The following SLC16A7 variants were observed in gnomAD, a reference collection of about 807,000 sequenced individuals.
SLC16A7 encodes the protein solute carrier family 16 member 7, also known as monocarboxylate transporter 2.
A neutral mutation model predicts 34.9 loss-of-function variants in SLC16A7; 33 were observed. The ratio of observed to expected loss-of-function variants is 0.94; its 90% CI spans 0.72 to 1.26. The LOEUF (loss-of-function observed/expected upper bound fraction) is 1.26, where lower values mean the gene tolerates loss of function less well. Among genes scored for constraint, SLC16A7 ranks in the 50% most tolerant of loss-of-function variants. The pLI, the probability that SLC16A7 is intolerant of heterozygous loss-of-function variation, is 0.00. For synonymous variants in SLC16A7, 201 were observed against 206.6 expected, an observed-to-expected ratio of 0.97 and a Z score of 0.23; for missense variants, 573 against 578.1, an observed-to-expected ratio of 0.99 and a Z score of 0.09.
intron 1 of SLC16A7, among the ~76,000 whole-genome samples, chr12:59,638,903 A>G (rs2137003453): frequency 6.6e-6 from 1 of 152,292 alleles, no homozygotes; most frequent in South Asian, 2.1e-4. Flanking sequence ...ATAGCTTACA[A>G]TCCTATTCAG....
chr12:59,652,218 A>T (rs1341006676), intron 1 of SLC16A7, among the ~76,000 whole-genome samples: 1 of 152,054 alleles, frequency 6.6e-6, no homozygotes, highest in Non-Finnish European at 1.5e-5. Flanking sequence ...ATGTCAGCTG[A>T]CATAATTTTT....
At chr12:59,759,634 TTA>T (rs1206435449) in intron 3 of SLC16A7, among the ~76,000 whole-genome samples, 4 of 152,020 alleles carry the variant, frequency 2.6e-5, no homozygotes, top group Non-Finnish European at 5.9e-5. Context: ...TTCTTGTGAT[TTA>T]TGTTATTAAG....
chr12:59,732,134 T>G lies in SLC16A7; in HGVS notation c.217+27116T>G, dbSNP rs555118011. Among the ~76,000 whole-genome samples the G allele has an allele frequency of 1.4e-4, 21 of 152,140 alleles. 1 individual carries two copies. The highest frequency in any genetic ancestry group is 5.1e-4 in the African/African-American group (21 of 41,516). ...ATAGTATACTTAAAAATGCTAATTT[T>G]TGGCTGGGCACAGTGGCGCATGCCT... is the stretch of plus-strand genomic sequence containing the variant. On this transcript the variant is annotated intron_variant, in intron 3 of 5. Coordinates refer to ENST00000547379, the MANE Select transcript of SLC16A7 (RefSeq NM_001270623.2).
At chr12:59,646,068 T>G (rs1030062624) in intron 1 of SLC16A7, among the ~76,000 whole-genome samples, 1 of 152,066 alleles carries the variant, frequency 6.6e-6, no homozygotes, top group African/African-American at 2.4e-5. Context: ...TTTGGAAAAT[T>G]TTCAGCCTAA....
chr12:59,621,700 TAA>T (rs1186218198), intron 1 of SLC16A7, among the ~76,000 whole-genome samples: 5 of 151,860 alleles, frequency 3.3e-5, no homozygotes, highest in African/African-American at 1.2e-4. Flanking sequence ...TATTAAAATA[TAA>T]AGTCTTTATA....
intron 2 of SLC16A7, among the ~76,000 whole-genome samples, chr12:59,661,552 C>T (rs1017785508): frequency 6.6e-6 from 1 of 152,046 alleles, no homozygotes; most frequent in Non-Finnish European, 1.5e-5. Flanking sequence ...CATGTTTCCT[C>T]TATTGGCTAA....
intron 3 of SLC16A7, among the ~76,000 whole-genome samples, chr12:59,750,131 G>T (rs1257464696): frequency 6.6e-6 from 1 of 152,068 alleles, no homozygotes; most frequent in African/African-American, 2.4e-5. Flanking sequence ...AACCTGGACA[G>T]TACCATTCAA....
At chr12:59,714,603 C>T (rs377195999) in intron 3 of SLC16A7, among the ~76,000 whole-genome samples, 9 of 151,824 alleles carry the variant, frequency 5.9e-5, no homozygotes, top group South Asian at 4.2e-4. Flanking sequence ...CTTGCTCTGC[C>T]GCCCAGGCTG....
intron 1 of SLC16A7, among the ~76,000 whole-genome samples, chr12:59,632,981 G>A (rs1880250413): frequency 6.6e-6 from 1 of 151,898 alleles, no homozygotes; most frequent in African/African-American, 2.4e-5. Context: ...ACCAAAAGGT[G>A]AGGTATCTAT....
At position 59,780,097 on chromosome 12, in the gene SLC16A7, A is replaced by C. The variant is rs11173142; in HGVS notation, c.*418A>C. ...TTTTTATTTGATATTAAAGTATGAG[A>C]TAGAGTTGAGAGACAATTAATTATC... On this transcript the variant is annotated 3_prime_UTR_variant, in exon 6 of 6. Transcript: ENST00000547379. The C allele has an allele frequency of 0.035, 5,600 of 160,164 alleles. 310 individuals are homozygous for C. Among genetic ancestry groups the C allele is most frequent in the African/African-American group, 0.13 (5,264 of 41,482 alleles). 9.9% of individuals were successfully genotyped at this position (160,164 alleles called of 1,614,324 possible).
chr12:59,638,994 A>G (rs765387801), intron 1 of SLC16A7, among the ~76,000 whole-genome samples: 2 of 152,154 alleles, frequency 1.3e-5, no homozygotes, highest in Non-Finnish European at 2.9e-5. Context: ...GATGGGCTTT[A>G]GACTTGAATA....
At chr12:59,747,836 A>G (rs895148279) in intron 3 of SLC16A7, among the ~76,000 whole-genome samples, 2 of 152,226 alleles carry the variant, frequency 1.3e-5, no homozygotes, top group African/African-American at 4.8e-5. Flanking sequence ...TTTCCCATAT[A>G]TTACTTCACT....
chr12:59,689,992 T>C (rs886978898), intron 2 of SLC16A7, among the ~76,000 whole-genome samples: 2 of 151,692 alleles, frequency 1.3e-5, no homozygotes, highest in African/African-American at 2.4e-5. Flanking sequence ...TAAACCAGAG[T>C]AGCTGGTTTG....
At chr12:59,775,925 A>G (rs1007698973) in intron 5 of SLC16A7, among the ~76,000 whole-genome samples, 3 of 152,166 alleles carry the variant, frequency 2.0e-5, no homozygotes, top group Middle Eastern at 3.2e-3. Context: ...GAAATTTGTT[A>G]CATGCTGAGA....
chr12:59,672,232 ATATATACGTATATATATGTGTATATATG>A (rs1869927218), intron 2 of SLC16A7, among the ~76,000 whole-genome samples: 1 of 145,358 alleles, frequency 6.9e-6, no homozygotes. Flanking sequence ...GTATATATGC[ATATATACGTATATATATGTGTATATATG>A]CATATATACG....
rs191853521 is a variant in SLC16A7, at chr12:59,733,250, G to A, written c.217+28232G>A. On this transcript the variant is annotated intron_variant, in intron 3 of 5. Coordinates refer to ENST00000547379, the MANE Select transcript of SLC16A7 (RefSeq NM_001270623.2). ...CTACTTGGCCCAGTAGGTTGTGCTC[G>A]GCTTGTGGGATCTGCCCAGATCCCA... Among the ~76,000 whole-genome samples, 151 of 152,248 alleles carry A rather than the reference G, an allele frequency of 9.9e-4. 2 individuals are homozygous for A. Among genetic ancestry groups the A allele is most frequent in the African/African-American group, 3.5e-3 (144 of 41,550 alleles).
chr12:59,749,762 C>T (rs1401404465), intron 3 of SLC16A7, among the ~76,000 whole-genome samples: 6 of 152,072 alleles, frequency 3.9e-5, no homozygotes, highest in Admixed American at 3.3e-4. Context: ...TAGAGCCAAT[C>T]AAAGAAATCA....
chr12:59,612,103 T>G (rs1879222771), intron 1 of SLC16A7, among the ~76,000 whole-genome samples: 1 of 152,170 alleles, frequency 6.6e-6, no homozygotes, highest in South Asian at 2.1e-4. Flanking sequence ...GGAGGTTCCA[T>G]CCCCACATTT....
intron 2 of SLC16A7, among the ~76,000 whole-genome samples, chr12:59,668,631 G>C (rs1869411812): frequency 6.6e-6 from 1 of 152,136 alleles, no homozygotes; most frequent in South Asian, 2.1e-4. Context: ...TCTCAGATGA[G>C]ACTTTGGATG....
Sources: allele counts gnomAD v4.1 joint callset (sites outside exome capture counted in the v4.1 genomes callset), GRCh38; gene constraint gnomAD v4.1.1; transcripts MANE v1.5; gene names NCBI Gene and HGNC (gene_info 2026-07-23, HGNC 2026-07-21).